The following GALNT2 variants were observed in gnomAD, a reference collection of about 807,000 sequenced individuals.
GALNT2 encodes the protein UDP-GalNAc:polypeptide N-acetylgalactosaminyltransferase 2.
GALNT2 carries 31 observed loss-of-function variants against 81.4 expected under a neutral mutation model. The ratio of observed to expected loss-of-function variants is 0.38; its 90% CI spans 0.29 to 0.51. GALNT2 has a LOEUF of 0.51. Ranked by LOEUF, GALNT2 falls within the 20% of genes least tolerant of loss-of-function variation. The pLI is 0.87. For synonymous variants in GALNT2, 303 were observed against 287.4 expected (o/e 1.05, Z -0.55); for missense variants, 629 against 765.7 (o/e 0.82, Z 2.11).
chr1:230,176,016 T>A (rs1010280773), intron 1 of GALNT2, among the ~76,000 whole-genome samples: 4 of 152,152 alleles, frequency 2.6e-5, no homozygotes, highest in African/African-American at 9.7e-5. Context: ...AGAGGGTCAA[T>A]GCACAATGCT....
intron 9 of GALNT2, among the ~76,000 whole-genome samples, chr1:230,249,786 G>A (rs190067008): frequency 1.3e-5 from 2 of 152,342 alleles, no homozygotes; most frequent in African/African-American, 4.8e-5. Flanking sequence ...GTTGGCACAC[G>A]GTTAAGTGAG....
At chr1:230,166,624 C>T (rs1379481942) in intron 1 of GALNT2, among the ~76,000 whole-genome samples, 1 of 152,210 alleles carries the variant, frequency 6.6e-6, no homozygotes, top group African/African-American at 2.4e-5. Context: ...CTTGCTGTGA[C>T]CAGTGGGTGT....
chr1:230,135,842 C>T (rs182382420), intron 1 of GALNT2, among the ~76,000 whole-genome samples: 12 of 151,938 alleles, frequency 7.9e-5, no homozygotes, highest in East Asian at 7.8e-4. Flanking sequence ...TGCACCACCA[C>T]GCCTGGCTAA....
intron 1 of GALNT2, among the ~76,000 whole-genome samples, chr1:230,176,177 C>T (rs75276017): frequency 0.021 from 3,265 of 152,042 alleles, 115 homozygotes; most frequent in African/African-American, 0.074. Context: ...GAGGAGTGCT[C>T]ACCCTGCACT....
chr1:230,107,644 G>GTGTGT (rs1553256987), intron 1 of GALNT2, among the ~76,000 whole-genome samples: 2 of 147,674 alleles, frequency 1.4e-5, no homozygotes, highest in African/African-American at 2.6e-5. Context: ...GTGTGTGTGT[G>GTGTGT]GTTGGTTGGT....
intron 1 of GALNT2, among the ~76,000 whole-genome samples, chr1:230,154,550 G>A (rs1431502189): frequency 6.6e-6 from 1 of 152,158 alleles, no homozygotes; most frequent in Non-Finnish European, 1.5e-5. Context: ...TTTATTTGGA[G>A]ATAAGATCTT....
In GALNT2 at chr1:230,179,088, A is replaced by G. The variant is rs184798860; in HGVS notation, c.220+777A>G. On this transcript the variant is annotated intron_variant, in intron 2 of 15. Transcript: ENST00000366672. ...ATTTAATATATATTTATTTTAATAT[A>G]TTAATATTTAATATATATTTAAGGT... Among the ~76,000 whole-genome samples, 290 of 148,986 alleles carry G rather than the reference A, an allele frequency of 1.9e-3. 2 individuals carry two copies. The highest frequency in any genetic ancestry group is 6.7e-3 in the African/African-American group (273 of 40,966).
intron 7 of GALNT2, among the ~76,000 whole-genome samples, chr1:230,244,929 A>C (rs1665317813): frequency 6.6e-6 from 1 of 152,050 alleles, no homozygotes; most frequent in Non-Finnish European, 1.5e-5. Flanking sequence ...TTCTGTTACT[A>C]AGTTGTATTT....
chr1:230,203,098 AT>A, intron 2 of GALNT2, 38 bp from the exon 3 acceptor site: 1 of 1,589,274 alleles, frequency 6.3e-7, no homozygotes, highest in Non-Finnish European at 8.6e-7. Context: ...ACTTGGTCAC[AT>A]TTTCCCTCAT....
intron 3 of GALNT2, among the ~76,000 whole-genome samples, chr1:230,233,877 A>T (rs898877016): frequency 4.6e-5 from 7 of 152,180 alleles, no homozygotes; most frequent in Non-Finnish European, 8.8e-5. Flanking sequence ...GGATGTAGGC[A>T]ATTTTAGAAG....
At chr1:230,149,396 G>T (rs542890844) in intron 1 of GALNT2, among the ~76,000 whole-genome samples, 2 of 152,124 alleles carry the variant, frequency 1.3e-5, no homozygotes, top group East Asian at 3.9e-4. Flanking sequence ...TTTATAGGGT[G>T]TTTCTCTTAC....
At position 230,279,079 on chromosome 1, in the gene GALNT2, T is replaced by G. The variant is rs1009786094; in HGVS notation, c.1561-224T>G. Among the ~76,000 whole-genome samples, 5 of 152,184 alleles carry G rather than the reference T, an allele frequency of 3.3e-5. No homozygotes were observed. The highest frequency in any genetic ancestry group is 2.6e-4 in the Admixed American group (4 of 15,278). On this transcript the variant is annotated intron_variant, in intron 15 of 15. Coordinates refer to ENST00000366672, the MANE Select transcript of GALNT2 (RefSeq NM_004481.5). This position sits in a 1 kb window ranked among gnomAD's most constrained non-coding sequence, Gnocchi z 4.6. ...TTTGGGGCAGGAGACGTTCTGAGTTTTGATCCAAGGCAGAGAATATGTTTC... is the reference window on the plus strand; with the variant it reads ...TTTGGGGCAGGAGACGTTCTGAGTTGTGATCCAAGGCAGAGAATATGTTTC...
rs1224469658 is a variant in GALNT2, at chr1:230,246,181, C to T, written c.817+31C>T. 6.7e-6 allele frequency: 10 copies of T among 1,488,356 alleles called. No individual in the cohort carries two copies. In the East Asian group the frequency reaches 1.1e-4, roughly 17 times the overall value. 92.2% of individuals were successfully genotyped at this position (1,488,356 alleles called of 1,614,324 possible). ...TGTCTGTCATGGTGCCCCTGCCTAG[C>T]TCGTCCCGTCTACACCAGCATCTGA... On this transcript the variant is annotated intron_variant, in intron 8 of 15. Transcript: ENST00000366672.
Position 230,275,841 on chromosome 1 carries a change from A to G in GALNT2, c.1560+1277A>G, listed in dbSNP as rs1026038466. 1.2e-4 allele frequency among the ~76,000 whole-genome samples: 18 copies of G among 151,656 alleles called. No homozygotes were observed. The highest frequency in any genetic ancestry group is 2.1e-4 in the Non-Finnish European group (14 of 67,880). ...ATACATGCCACATATATACATGTAT[A>G]TACATGCCACATAGATATACATATA... On this transcript the variant is annotated intron_variant, in intron 15 of 15. Transcript: ENST00000366672. The surrounding 1 kb of genome is among the most constrained non-coding windows in gnomAD (Gnocchi z 5.5).
intron 4 of GALNT2, 30 bp downstream of exon 4, chr1:230,236,142 G>A (rs1301646036): frequency 6.3e-7 from 1 of 1,598,238 alleles, no homozygotes; most frequent in East Asian, 2.2e-5. Context: ...TACCTGTCAG[G>A]GGTGTTAAGA....
chr1:230,235,274 A>G (rs1212438896), intron 3 of GALNT2, among the ~76,000 whole-genome samples: 1 of 150,660 alleles, frequency 6.6e-6, no homozygotes, highest in Admixed American at 6.6e-5. Context: ...GTCTGTCTGT[A>G]GAGCCCAAAT....
At chr1:230,160,678 C>T (rs1160222094) in intron 1 of GALNT2, among the ~76,000 whole-genome samples, 1 of 151,424 alleles carries the variant, frequency 6.6e-6, no homozygotes, top group Non-Finnish European at 1.5e-5. Context: ...GGTCCCACTG[C>T]ACTCCAGCCT....
chr1:230,179,660 T>C (rs1663097670), intron 2 of GALNT2, among the ~76,000 whole-genome samples: 1 of 152,252 alleles, frequency 6.6e-6, no homozygotes, highest in Admixed American at 6.5e-5. Context: ...TTTCTTATTG[T>C]TGAGTTTTAA....
chr1:230,270,192 T>C (rs540793429), intron 14 of GALNT2, among the ~76,000 whole-genome samples: 36 of 152,150 alleles, frequency 2.4e-4, no homozygotes, highest in Middle Eastern at 6.8e-3. Context: ...CAGTGTGAGA[T>C]TCTGTCTCAA....
Sources: gnomAD v4.1 joint callset for allele counts (sites outside exome capture counted in the v4.1 genomes callset) on GRCh38, gnomAD v4.1.1 for gene constraint, Gnocchi (gnomAD v3.1) non-coding constraint, MANE v1.5 for transcripts, NCBI Gene and HGNC (gene_info 2026-07-23, HGNC 2026-07-21) for gene names.